The following PIK3R1 variants were observed in gnomAD, a reference collection of about 807,000 sequenced individuals.
The protein encoded by PIK3R1 is phosphoinositide-3-kinase regulatory subunit 1.
PIK3R1 carries 29 observed loss-of-function variants against 98.0 expected under a neutral mutation model. That is an observed-to-expected ratio of 0.30 (90% CI 0.22 to 0.40). PIK3R1 has a LOEUF of 0.40. PIK3R1 is among the 10% of genes least tolerant of loss of function. The pLI is 1.00. For synonymous variants in PIK3R1, 282 were observed against 311.8 expected, an observed-to-expected ratio of 0.90 and a Z score of 1.01; for missense variants, 596 against 872.7, an observed-to-expected ratio of 0.68 and a Z score of 3.99.
At chr5:68,293,611 A>T (rs2112260734) in intron 10 of PIK3R1, 98 bp from the exon 11 acceptor site, 1 of 1,150,732 alleles carries the variant, frequency 8.7e-7, no homozygotes, top group Non-Finnish European at 1.2e-6. Context: ...GTAATTACAT[A>T]ATTGCAATTT....
Position 68,273,410 on chromosome 5 carries a change from G to A in PIK3R1, c.355G>A (p.Ala119Thr). ...TGCAGCTTTGACTCTCCCGGATCTT[G>A]CAGAGCAGTTTGCCCCTCCTGACAT... The part of the protein sequence containing the change: ...EQQALTLPDL[A>T]EQFAPPDIAP... Residue 119 changes from alanine to threonine, a missense_variant, in exon 3 of 16, where the codon GCA becomes ACA. Transcript: ENST00000521381. 1 of 1,614,066 alleles carries A rather than the reference G, an allele frequency of 6.2e-7. No homozygotes were observed. The highest frequency in any genetic ancestry group is 8.5e-7 in the Non-Finnish European group (1 of 1,179,960).
chr5:68,272,908 A>G (rs935368692), intron 2 of PIK3R1, among the ~76,000 whole-genome samples: 2 of 152,220 alleles, frequency 1.3e-5, no homozygotes, highest in African/African-American at 4.8e-5. Context: ...CAACTGTTCA[A>G]TAAAATCTGT....
chr5:68,230,245 C>T (rs1003793998), intron 2 of PIK3R1, among the ~76,000 whole-genome samples: 1 of 152,208 alleles, frequency 6.6e-6, no homozygotes, highest in Non-Finnish European at 1.5e-5. Context: ...TCATTGATTA[C>T]TTAACCCACG....
At chr5:68,225,783 C>T (rs961927247) in intron 1 of PIK3R1, among the ~76,000 whole-genome samples, 1 of 152,186 alleles carries the variant, frequency 6.6e-6, no homozygotes, top group African/African-American at 2.4e-5. Context: ...TGTCCTACAG[C>T]CCCTACCTAA....
intron 7 of PIK3R1, chr5:68,291,024 G>T: frequency 2.0e-6 from 1 of 492,592 alleles, no homozygotes. Context: ...AGCTCAGGCT[G>T]TGTGTGGTAA....
chr5:68,245,143 A>G (rs1282802774), intron 2 of PIK3R1, among the ~76,000 whole-genome samples: 1 of 152,240 alleles, frequency 6.6e-6, no homozygotes, highest in Non-Finnish European at 1.5e-5. Context: ...CTTGTTAGCT[A>G]TCTCTTATTT....
chr5:68,242,809 G>A (rs959681425), intron 2 of PIK3R1, among the ~76,000 whole-genome samples: 2 of 152,194 alleles, frequency 1.3e-5, no homozygotes, highest in African/African-American at 4.8e-5. Context: ...GTAAGTTGGA[G>A]CGTGACTATC....
chr5:68,254,139 C>T (rs1745426071), intron 2 of PIK3R1, among the ~76,000 whole-genome samples: 1 of 152,206 alleles, frequency 6.6e-6, no homozygotes, highest in South Asian at 2.1e-4. Flanking sequence ...GCAAACTTCT[C>T]AGGATTGCTC....
chr5:68,274,287 A>G (rs1178606046), intron 4 of PIK3R1, among the ~76,000 whole-genome samples: 1 of 152,116 alleles, frequency 6.6e-6, no homozygotes, highest in East Asian at 1.9e-4. Flanking sequence ...AGAGGAGAGA[A>G]ACCACCTCTT....
intron 7 of PIK3R1, chr5:68,291,207 G>A (rs560445542): frequency 3.3e-4 from 55 of 166,680 alleles, no homozygotes; most frequent in African/African-American, 1.3e-3. Flanking sequence ...GAACAGTGTA[G>A]CACTTTGCAG....
Position 68,219,140 on chromosome 5 carries a change from C to A in PIK3R1, c.-387+3191C>A, listed in dbSNP as rs149456145. ...TTGTCTGTATGGCCTTTATTTATCC[C>A]CTAGGTGTTAGGTGTTTATTTATTT... On this transcript the variant is annotated intron_variant, in intron 1 of 15. Transcript: ENST00000521381. Among the ~76,000 whole-genome samples the A allele has an allele frequency of 8.5e-4, 130 of 152,216 alleles. 4 individuals are homozygous for A. The East Asian group carries it at 0.024, about 28-fold the overall frequency.
chr5:68,224,681 C>T (rs543863800), intron 1 of PIK3R1, among the ~76,000 whole-genome samples: 37 of 152,232 alleles, frequency 2.4e-4, no homozygotes, highest in African/African-American at 8.2e-4. Context: ...TTGATATAGC[C>T]CACTGAAATT....
At chr5:68,244,496 C>T (rs251402) in intron 2 of PIK3R1, among the ~76,000 whole-genome samples, 60,993 of 73,408 alleles carry the variant, frequency 0.83, 26,386 homozygotes, top group African/African-American at 0.89. Flanking sequence ...GTTTTAGGGC[C>T]GCCTATTTCT....
intron 1 of PIK3R1, chr5:68,217,696 T>C (rs1401370565): frequency 6.6e-6 from 1 of 151,586 alleles, no homozygotes; most frequent in Non-Finnish European, 1.5e-5. Context: ...GAAATGTTGG[T>C]TCAGAGTTAA....
intron 2 of PIK3R1, chr5:68,240,019 T>G (rs180827761): frequency 2.0e-3 from 903 of 460,074 alleles, no homozygotes; most frequent in Non-Finnish European, 3.3e-3. Flanking sequence ...TAACTTTCAG[T>G]GTAGCCCTCA....
At chr5:68,293,512 T>C (rs1343410748) in intron 10 of PIK3R1, 29 bp downstream of exon 10, 1 of 1,530,270 alleles carries the variant, frequency 6.5e-7, no homozygotes, top group Admixed American at 1.8e-5. Context: ...ATTATCCAGT[T>C]ACGATGTTTA....
intron 1 of PIK3R1, among the ~76,000 whole-genome samples, chr5:68,221,821 CTG>C (rs1744101736): frequency 6.6e-6 from 1 of 152,202 alleles, no homozygotes; most frequent in African/African-American, 2.4e-5. Context: ...GAGAATTTCT[CTG>C]TATGTTAGCA....
intron 12 of PIK3R1, 42 bp from the exon 13 acceptor site, chr5:68,295,106 G>A (rs2112273625): frequency 6.4e-7 from 1 of 1,560,766 alleles, no homozygotes. Flanking sequence ...GACCGTTCCT[G>A]ATGTACCCAG....
At chr5:68,269,673 T>C (rs1023554762) in intron 2 of PIK3R1, among the ~76,000 whole-genome samples, 1 of 152,226 alleles carries the variant, frequency 6.6e-6, no homozygotes, top group Non-Finnish European at 1.5e-5. Context: ...CATAGTTGAT[T>C]TTAGGATTGT....
Sources: allele counts gnomAD v4.1 joint callset (sites outside exome capture counted in the v4.1 genomes callset), GRCh38; gene constraint gnomAD v4.1.1; transcripts MANE v1.5; gene names NCBI Gene and HGNC (gene_info 2026-07-23, HGNC 2026-07-21).